INO80: variants seen among roughly 807,000 people sequenced by gnomAD.
INO80 encodes the protein chromatin-remodeling ATPase INO80.
In INO80, 20 loss-of-function variants were observed where a neutral mutation model predicts 203.4. That is an observed-to-expected ratio of 0.10 (90% confidence interval 0.07 to 0.14). INO80 has a LOEUF of 0.14. Ranked by LOEUF, INO80 falls within the 10% of genes least tolerant of loss-of-function variation. INO80 has a pLI of 1.00. For missense variants in INO80, 1,419 were observed against 1,914.4 expected (o/e 0.74, Z 4.83); for synonymous variants, 726 against 685.2 (o/e 1.06, Z -0.93).
intron 14 of INO80, among the ~76,000 whole-genome samples, chr15:41,060,896 G>A (rs2045092831): frequency 6.6e-6 from 1 of 152,146 alleles, no homozygotes; most frequent in African/African-American, 2.4e-5. Flanking sequence ...CCTATACAAT[G>A]TCTGGCATAG....
chr15:41,050,915 C>T (rs1176868865), intron 19 of INO80, among the ~76,000 whole-genome samples: 4 of 151,978 alleles, frequency 2.6e-5, no homozygotes, highest in Non-Finnish European at 5.9e-5. Flanking sequence ...AGGCAGATCA[C>T]AGGTCAGGAG....
intron 4 of INO80, among the ~76,000 whole-genome samples, chr15:41,094,024 G>C (rs913197792): frequency 1.3e-5 from 2 of 152,128 alleles, no homozygotes; most frequent in African/African-American, 4.8e-5. Context: ...GAAGGACCTA[G>C]TGATAATAAT....
In INO80 at chr15:41,087,585, A is replaced by G; in HGVS notation, c.635T>C (p.Phe212Ser). 3 of 1,613,816 alleles carry G rather than the reference A, an allele frequency of 1.9e-6. No homozygotes were observed. The highest frequency in any genetic ancestry group is 2.5e-6 in the Non-Finnish European group (3 of 1,179,960). ...ACCTTTAAGTTTCTTTTCCTCCTTA[A>G]ATTTCTTTTTCTTGGGTCCAAGTAG... ...RHLLGPKKKK[F>S]KEEKKLKAKL... Residue 212 changes from phenylalanine to serine, a missense_variant, in exon 6 of 36, where the codon TTT becomes TCT. Around this residue, in one of 9 missense-constraint regions of INO80, gnomAD observed 323 missense variants for 325.4 expected, o/e 0.99. Coordinates refer to ENST00000648947, the MANE Select transcript of INO80 (RefSeq NM_017553.3).
At chr15:41,062,019 A>T (rs989711994) in intron 14 of INO80, among the ~76,000 whole-genome samples, 11 of 152,184 alleles carry the variant, frequency 7.2e-5, no homozygotes, top group Admixed American at 4.6e-4. Context: ...GTTCTGAAAA[A>T]TTTCAGCCAA....
intron 29 of INO80, 141 bp downstream of exon 29, chr15:40,997,388 G>A: frequency 3.3e-6 from 2 of 604,374 alleles, no homozygotes; most frequent in Non-Finnish European, 6.0e-6. Context: ...TTTAACACAA[G>A]AGGCAAAGAA....
At chr15:41,080,022 T>A (rs2045462504) in intron 8 of INO80, 118 bp from the exon 9 acceptor site, 1 of 825,386 alleles carries the variant, frequency 1.2e-6, no homozygotes, top group African/African-American at 1.7e-5. Flanking sequence ...CTTGACCACA[T>A]CTTTCTCCTG....
At chr15:41,068,646 T>G (rs1345269760) in intron 14 of INO80, among the ~76,000 whole-genome samples, 1 of 150,038 alleles carries the variant, frequency 6.7e-6, no homozygotes, top group Non-Finnish European at 1.5e-5. Flanking sequence ...TCACCTGAGG[T>G]CAAGAGTTTG....
intron 28 of INO80, 109 bp from the exon 29 acceptor site, chr15:40,997,710 A>T: frequency 1.4e-6 from 1 of 730,020 alleles, no homozygotes; most frequent in East Asian, 2.7e-5. Context: ...GACTAAAAAG[A>T]GTTTTGGTGG....
chr15:41,110,679 C>T (rs144332007), intron 1 of INO80, among the ~76,000 whole-genome samples: 2 of 152,260 alleles, frequency 1.3e-5, no homozygotes, highest in African/African-American at 4.8e-5. Context: ...GATTTGCCTG[C>T]CTTGGTCTCC....
chr15:41,035,503 G>T (rs1305364632), intron 24 of INO80, among the ~76,000 whole-genome samples: 1 of 151,364 alleles, frequency 6.6e-6, no homozygotes, highest in Non-Finnish European at 1.5e-5. Context: ...TCTTGCCTGG[G>T]TGACAAAGCA....
chr15:41,027,643 A>C lies in INO80; in HGVS notation c.3001T>G (p.Cys1001Gly), dbSNP rs773557905. The change falls in exon 25 of 36, where the codon TGC (cysteine) becomes GGC (glycine). Residue 1001 changes from cysteine to glycine, a missense_variant. By Grantham distance (159) the Cys-to-Gly change is radical. This residue lies in a region of INO80 where 302 missense variants were observed against 345.4 expected (regional missense o/e 0.87). Coordinates refer to ENST00000648947, the MANE Select transcript of INO80 (RefSeq NM_017553.3). ...AAAGATGGCAGCTCAGTGAGCAGGC[A>C]GCGACGCAGCGAGGAGGTAGCTGAT... is the stretch of plus-strand genomic sequence containing the variant. ...RRSATSSLRR[C>G]LLTELPSFLC... 1 of 1,614,048 alleles carries C rather than the reference A, an allele frequency of 6.2e-7. No individual in the cohort carries two copies. The highest frequency in any genetic ancestry group is 8.5e-7 in the Non-Finnish European group (1 of 1,179,960).
At chr15:41,005,528 AC>A in intron 28 of INO80, 64 bp downstream of exon 28, 1 of 784,866 alleles carries the variant, frequency 1.3e-6, no homozygotes, top group Non-Finnish European at 2.1e-6. Context: ...AAAAAAAAAA[AC>A]TTACCATTTC....
chr15:40,984,402 AG>A, intron 32 of INO80, 50 bp from the exon 33 acceptor site: 2 of 1,546,544 alleles, frequency 1.3e-6, no homozygotes, highest in Non-Finnish European at 1.8e-6. Context: ...GCACCCCAAA[AG>A]AAAAGCGGGA....
At position 41,093,455 on chromosome 15, in the gene INO80, C is replaced by T. The variant is rs149016929; in HGVS notation, c.382-1273G>A. ...AAAGAAAAAAGAAAATGGAGAGTGA[C>T]TGCTAACGGGTACGGGGTTCATTTC... On this transcript the variant is annotated intron_variant, in intron 4 of 35. Transcript: ENST00000648947. Among the ~76,000 whole-genome samples, 298 of 151,984 alleles carry T rather than the reference C, an allele frequency of 2.0e-3. 1 individual carries two copies. Among genetic ancestry groups the T allele is most frequent in the African/African-American group, 6.6e-3 (274 of 41,514 alleles).
intron 1 of INO80, among the ~76,000 whole-genome samples, chr15:41,111,818 C>G (rs1382643687): frequency 1.3e-5 from 2 of 150,908 alleles, no homozygotes; most frequent in African/African-American, 4.9e-5. Context: ...AAAAAAAAAA[C>G]GTTTTTGCGG....
In INO80 at chr15:41,013,071, C is replaced by CACAACAACAACAACA. The variant is rs775607165; in HGVS notation, c.3402+3016_3402+3017insTGTTGTTGTTGTTGT. The CACAACAACAACAACA allele has an allele frequency of 1.1e-4, 5 of 44,742 alleles. No individual in the cohort carries two copies. In the South Asian group the frequency reaches 4.3e-3, roughly 38 times the overall value. 2.8% of individuals were successfully genotyped at this position (44,742 alleles called of 1,614,324 possible). ...CAGACAGCCAGCCATGGCTAAGGCA[C>CACAACAACAACAACA]ATAACAACAACAACAACAACAACAA... On this transcript the variant is annotated intron_variant, in intron 27 of 35. Coordinates refer to ENST00000648947, the MANE Select transcript of INO80 (RefSeq NM_017553.3).
Position 40,982,917 on chromosome 15 carries a change from C to G in INO80, c.4398G>C (p.Gly1466=), listed in dbSNP as rs900362655. The G allele has an allele frequency of 1.9e-6, 3 of 1,614,060 alleles. No individual in the cohort carries two copies. Among genetic ancestry groups the G allele is most frequent in the Non-Finnish European group, 2.5e-6 (3 of 1,180,036 alleles). Residue 1466 remains glycine, a synonymous_variant, in exon 35 of 36, where the codon GGG becomes GGC. Coordinates refer to ENST00000648947, the MANE Select transcript of INO80 (RefSeq NM_017553.3). ...SAAAMAGAKA[G]AAAASAAAYA... ...AGGCAGCTGCAGAGGCCGCTGCAGC[C>G]CCGGCTTTGGCTCCTGCCATTGCAG... is the stretch of plus-strand genomic sequence containing the variant.
intron 28 of INO80, among the ~76,000 whole-genome samples, chr15:40,998,663 T>C (rs7162992): frequency 0.42 from 63,848 of 151,688 alleles, 13,648 homozygotes; most frequent in South Asian, 0.48. Context: ...TTTTGTTTTT[T>C]TTTTTTTGAA....
At chr15:41,049,482 G>A (rs1449909804) in intron 20 of INO80, 62 bp from the exon 21 acceptor site, 2 of 1,502,150 alleles carry the variant, frequency 1.3e-6, no homozygotes, top group Admixed American at 1.8e-5. Context: ...GTAATGACAG[G>A]GGATCCCAAA....
Sources: gnomAD v4.1 joint callset for allele counts (sites outside exome capture counted in the v4.1 genomes callset) on GRCh38, gnomAD v4.1.1 for gene constraint, gnomAD v4.1.1 regional missense constraint, MANE v1.5 for transcripts, NCBI Gene and HGNC (gene_info 2026-07-23, HGNC 2026-07-21) for gene names.